The following PDE1C variants were observed in gnomAD, a reference collection of about 807,000 sequenced individuals.
PDE1C encodes phosphodiesterase 1C.
PDE1C carries 62 observed loss-of-function variants against 93.1 expected under a neutral mutation model. That is an observed-to-expected ratio of 0.67 (90% CI 0.54 to 0.82). The LOEUF (loss-of-function observed/expected upper bound fraction) is 0.82, where lower values mean the gene tolerates loss of function less well. Among genes scored for constraint, PDE1C ranks in the 40% least tolerant of loss-of-function variants. The probability of loss-of-function intolerance (pLI) is 0.00; values close to 1 mark genes in which losing one functional copy is unlikely to be tolerated. For missense variants in PDE1C, 742 were observed against 884.6 expected, an observed-to-expected ratio of 0.84 and a Z score of 2.04; for synonymous variants, 325 against 310.1, an observed-to-expected ratio of 1.05 and a Z score of -0.50.
chr7:31,908,419 G>A lies in PDE1C; in HGVS notation c.129-27559C>T, dbSNP rs145413385. ...AAACGCCCCTCCACAGTAAGGGTGC[G>A]TGAGTACTCTGGTTCCAGCGTATGC... On this transcript the variant is annotated intron_variant, in intron 2 of 17. Transcript: ENST00000396191. 1.3e-3 allele frequency among the ~76,000 whole-genome samples: 204 copies of A among 152,238 alleles called. 2 individuals are homozygous for A. The highest frequency in any genetic ancestry group is 4.3e-3 in the Admixed American group (65 of 15,288).
chr7:31,631,212 G>A, the PDE1C span, among the ~76,000 whole-genome samples: 1 of 152,220 alleles, frequency 6.6e-6, no homozygotes, highest in African/African-American at 2.4e-5. Context: ...CCTATCAATT[G>A]TTTTTTACAG....
chr7:31,634,190 C>T, the PDE1C span, among the ~76,000 whole-genome samples: 1 of 152,158 alleles, frequency 6.6e-6, no homozygotes, highest in Non-Finnish European at 1.5e-5. Context: ...GTAGAGTAGT[C>T]CTGCCCCAAG....
At chr7:31,761,929 C>G (rs1229947287) in intron 17 of PDE1C, among the ~76,000 whole-genome samples, 1 of 152,194 alleles carries the variant, frequency 6.6e-6, no homozygotes, top group Non-Finnish European at 1.5e-5. Context: ...AATAATAACA[C>G]TCACTTCACA....
intron 1 of PDE1C, among the ~76,000 whole-genome samples, chr7:32,315,822 C>A (rs777943869): frequency 2.6e-5 from 4 of 151,990 alleles, no homozygotes; most frequent in Non-Finnish European, 4.4e-5. Context: ...ATGGAGAAAC[C>A]CTGTCTCTAC....
chr7:31,804,123 T>A (rs1335898622), intron 16 of PDE1C, among the ~76,000 whole-genome samples: 1 of 151,870 alleles, frequency 6.6e-6, no homozygotes, highest in South Asian at 2.1e-4. Context: ...TGGATATTTT[T>A]GTACTCTATG....
At chr7:32,340,929 A>C (rs1459513399) in intron 1 of PDE1C, among the ~76,000 whole-genome samples, 1 of 152,132 alleles carries the variant, frequency 6.6e-6, no homozygotes, top group Admixed American at 6.5e-5. Context: ...TGATAGATAC[A>C]TGTCAGTATA....
intron 3 of PDE1C, among the ~76,000 whole-genome samples, chr7:32,136,311 A>G (rs1351324776): frequency 6.6e-6 from 1 of 152,070 alleles, no homozygotes; most frequent in African/African-American, 2.4e-5. Flanking sequence ...TATCTGACAG[A>G]TATTTAAAAA....
At chr7:32,097,738 T>C (rs994632538) in intron 3 of PDE1C, among the ~76,000 whole-genome samples, 1 of 152,188 alleles carries the variant, frequency 6.6e-6, no homozygotes, top group Non-Finnish European at 1.5e-5. Context: ...GATAAAAATG[T>C]GTAACTGAGA....
the PDE1C span, among the ~76,000 whole-genome samples, chr7:31,691,408 C>G: frequency 6.6e-6 from 1 of 152,102 alleles, no homozygotes; most frequent in Admixed American, 6.5e-5. Flanking sequence ...CTTATTTATT[C>G]CTCCCCCACC....
intron 15 of PDE1C, among the ~76,000 whole-genome samples, chr7:31,811,124 G>C (rs1376044856): frequency 6.6e-6 from 1 of 152,010 alleles, no homozygotes; most frequent in Non-Finnish European, 1.5e-5. Flanking sequence ...GAATCATGGG[G>C]GCAGTTTCCC....
At chr7:31,637,764 G>A in the PDE1C span, among the ~76,000 whole-genome samples, 1 of 152,092 alleles carries the variant, frequency 6.6e-6, no homozygotes. Context: ...GTCAATTTTG[G>A]CTTTTGTTGC....
intron 1 of PDE1C, among the ~76,000 whole-genome samples, chr7:32,238,257 C>T (rs763052228): frequency 2.1e-4 from 32 of 152,192 alleles, no homozygotes; most frequent in Non-Finnish European, 3.7e-4. Flanking sequence ...AATGGCAATA[C>T]GAATTTATAA....
At chr7:31,853,376 T>G (rs1793587167) in intron 7 of PDE1C, among the ~76,000 whole-genome samples, 1 of 152,120 alleles carries the variant, frequency 6.6e-6, no homozygotes, top group Admixed American at 6.6e-5. Context: ...AGAGGAGAGA[T>G]GTTTAAGATG....
the PDE1C span, chr7:31,643,791 C>G: frequency 6.2e-7 from 1 of 1,613,998 alleles, no homozygotes; most frequent in Non-Finnish European, 8.5e-7. Flanking sequence ...ACTGCTGCAT[C>G]TGCTGTCATC....
At chr7:32,097,578 G>T (rs1052202859) in intron 3 of PDE1C, among the ~76,000 whole-genome samples, 4 of 152,184 alleles carry the variant, frequency 2.6e-5, no homozygotes, top group Admixed American at 6.5e-5. Context: ...AACTATAAAT[G>T]AGAGAGAAAA....
At chr7:31,727,560 G>T in the PDE1C span, among the ~76,000 whole-genome samples, 4 of 152,098 alleles carry the variant, frequency 2.6e-5, no homozygotes, top group East Asian at 1.9e-4. Context: ...CATTTTTAAG[G>T]CCTTTGATGC....
chr7:31,888,263 A>AG (rs1798209251), intron 2 of PDE1C, among the ~76,000 whole-genome samples: 1 of 150,450 alleles, frequency 6.6e-6, no homozygotes, highest in South Asian at 2.1e-4. Context: ...AAAAAAAAAA[A>AG]AAAAAAAAAA....
At chr7:31,836,479 C>T (rs1023382272) in intron 11 of PDE1C, among the ~76,000 whole-genome samples, 7 of 152,096 alleles carry the variant, frequency 4.6e-5, no homozygotes, top group African/African-American at 1.4e-4. Context: ...GGATTACAGG[C>T]ACCCACCACC....
intron 6 of PDE1C, among the ~76,000 whole-genome samples, chr7:31,869,383 T>A (rs944048957): frequency 6.6e-6 from 1 of 152,032 alleles, no homozygotes; most frequent in African/African-American, 2.4e-5. Context: ...GAAACTCTTT[T>A]CACCTGTAAA....
Sources: allele counts gnomAD v4.1 joint callset (sites outside exome capture counted in the v4.1 genomes callset), GRCh38; gene constraint gnomAD v4.1.1; transcripts MANE v1.5; gene names NCBI Gene and HGNC (gene_info 2026-07-23, HGNC 2026-07-21).